Variants in ATP11A observed in about 807,000 individuals in gnomAD.
ATP11A encodes the protein phospholipid-transporting ATPase IH.
In ATP11A, 81 loss-of-function variants were observed where a neutral mutation model predicts 154.4. The ratio of observed to expected loss-of-function variants is 0.52; its 90% CI spans 0.44 to 0.63. The LOEUF is 0.63. Ranked by LOEUF, ATP11A falls within the 30% of genes least tolerant of loss-of-function variation. The probability of loss-of-function intolerance (pLI) is 0.00; values close to 1 mark genes in which losing one functional copy is unlikely to be tolerated. For missense variants in ATP11A, 1,316 were observed against 1,474.3 expected, an observed-to-expected ratio of 0.89 and a Z score of 1.76; for synonymous variants, 623 against 585.9, an observed-to-expected ratio of 1.06 and a Z score of -0.91.
At chr13:112,795,501 A>G (rs530296327) in intron 2 of ATP11A, among the ~76,000 whole-genome samples, 3 of 152,210 alleles carry the variant, frequency 2.0e-5, no homozygotes, top group Non-Finnish European at 4.4e-5. Context: ...TGTAGTTCCA[A>G]GGGTCCTTTG....
intron 1 of ATP11A, among the ~76,000 whole-genome samples, chr13:112,706,932 A>G (rs953716845): frequency 2.0e-5 from 3 of 152,212 alleles, no homozygotes; most frequent in Non-Finnish European, 4.4e-5. Flanking sequence ...CGACTGAGTT[A>G]TTACTTGCCG....
At position 112,883,102 on chromosome 13, in the gene ATP11A, GTCCCCACGTCCCCTCGTCTCCTCA is replaced by G. The variant is rs1566614117; in HGVS notation, c.*1248_*1271del. The G allele has an allele frequency of 2.3e-5, 6 of 264,660 alleles. No homozygotes were observed. 16.4% of individuals were successfully genotyped at this position (264,660 alleles called of 1,614,324 possible). A position where few individuals can be genotyped will look rare whatever the true frequency, so the allele number is the denominator to read the frequency against. On this transcript the variant is annotated 3_prime_UTR_variant, in exon 30 of 30. Coordinates refer to ENST00000375645, the MANE Select transcript of ATP11A (RefSeq NM_015205.3). The stretch of plus-strand genomic sequence containing the variant: ...TCATGTCCCCTTGTCCTGTCACCTC[GTCCCCACGTCCCCTCGTCTCCTCA>G]TCCCCACGTCCTCTCGTCCCCTTGT...
rs1046790 is a variant in ATP11A at position 112,885,690 on chromosome 13, T to C, written c.*3824T>C. Reference sequence around the variant, plus strand: ...ACACATGCACACACATATACACACATGTGCCACAAACAAGTGCACACTGTC... The same window carrying C: ...ACACATGCACACACATATACACACACGTGCCACAAACAAGTGCACACTGTC... On this transcript the variant is annotated 3_prime_UTR_variant, in exon 30 of 30. Coordinates refer to ENST00000375645, the MANE Select transcript of ATP11A (RefSeq NM_015205.3). The C allele has an allele frequency of 0.72, 109,977 of 152,302 alleles. 40,003 individuals are homozygous for C. Among genetic ancestry groups the C allele is most frequent in the East Asian group, 0.88 (4,529 of 5,164 alleles). 9.4% of individuals were successfully genotyped at this position (152,302 alleles called of 1,614,324 possible).
intron 1 of ATP11A, among the ~76,000 whole-genome samples, chr13:112,779,426 C>T (rs1168639201): frequency 1.3e-5 from 2 of 149,962 alleles, no homozygotes; most frequent in Non-Finnish European, 3.0e-5. Flanking sequence ...AGTGTGTAGC[C>T]GCTGGAGTGA....
chr13:112,819,505 G>T, intron 7 of ATP11A, 98 bp downstream of exon 7: 1 of 987,480 alleles, frequency 1.0e-6, no homozygotes. Context: ...TGGTGGTTTG[G>T]AAAGAGAATG....
intron 13 of ATP11A, among the ~76,000 whole-genome samples, chr13:112,831,756 A>C (rs1269303445): frequency 1.3e-5 from 2 of 152,168 alleles, no homozygotes; most frequent in East Asian, 3.8e-4. Context: ...GGTTATGAAA[A>C]CCATAGAAGC....
At chr13:112,820,818 C>T (rs1283686928) in intron 8 of ATP11A, among the ~76,000 whole-genome samples, 1 of 152,182 alleles carries the variant, frequency 6.6e-6, no homozygotes, top group Non-Finnish European at 1.5e-5. Context: ...TTGTTGATGT[C>T]TGGGTAGGTA....
chr13:112,877,237 C>T (rs898811095), intron 28 of ATP11A, among the ~76,000 whole-genome samples: 2 of 152,192 alleles, frequency 1.3e-5, no homozygotes, highest in African/African-American at 4.8e-5. Flanking sequence ...GAGCCGGGGC[C>T]CTGGCTGAGA....
Position 112,851,019 on chromosome 13 carries a change from C to G in ATP11A, c.1810-18C>G. 6.2e-7 allele frequency: 1 copy of G among 1,608,930 alleles called. No homozygotes were observed. ...TGACACCTTGAATTCGTGCTAAACG[C>G]TGCATTGTGTTCTGCAGGAGGGGCT... is the stretch of plus-strand genomic sequence containing the variant. On this transcript the variant is annotated intron_variant, in intron 17 of 29. Coordinates refer to ENST00000375645, the MANE Select transcript of ATP11A (RefSeq NM_015205.3).
intron 25 of ATP11A, among the ~76,000 whole-genome samples, chr13:112,864,750 C>G (rs1457651471): frequency 1.4e-5 from 1 of 70,162 alleles, no homozygotes; most frequent in East Asian, 4.1e-4. Context: ...CGGGGTCCAT[C>G]ACCACCTGCA....
intron 1 of ATP11A, among the ~76,000 whole-genome samples, chr13:112,728,213 G>A (rs1306252486): frequency 2.0e-5 from 3 of 152,198 alleles, no homozygotes; most frequent in African/African-American, 7.2e-5. Context: ...CCAGATAACT[G>A]GACTGGTGGA....
At chr13:112,847,310 CAT>C (rs1441938703) in intron 17 of ATP11A, among the ~76,000 whole-genome samples, 1 of 152,234 alleles carries the variant, frequency 6.6e-6, no homozygotes, top group Non-Finnish European at 1.5e-5. Context: ...TGCTTGCTGT[CAT>C]ATCGAAGAAA....
chr13:112,798,699 T>C (rs2078060497), intron 2 of ATP11A, among the ~76,000 whole-genome samples: 1 of 152,090 alleles, frequency 6.6e-6, no homozygotes, highest in South Asian at 2.1e-4. Context: ...GGAGAGAAAA[T>C]AGTCACATCA....
Position 112,859,378 on chromosome 13 carries a change from T to C in ATP11A, c.2668-15T>C, listed in dbSNP as rs201244938. ...TGTCCCGTCACCGAACTAACAGTTATGCCTTGCCTTTCAGAACGTCTGCTT... is the reference window on the plus strand; with the variant it reads ...TGTCCCGTCACCGAACTAACAGTTACGCCTTGCCTTTCAGAACGTCTGCTT... On this transcript the variant is annotated splice_polypyrimidine_tract_variant and intron_variant, in intron 22 of 29. Transcript: ENST00000375645. This position sits in a 1 kb window ranked among gnomAD's most constrained non-coding sequence, Gnocchi z 4.3. 1.4e-5 allele frequency: 23 copies of C among 1,613,206 alleles called. No homozygotes were observed. The highest frequency in any genetic ancestry group is 5.0e-5 in the Admixed American group (3 of 60,004).
At chr13:112,741,603 A>G (rs1035896434) in intron 1 of ATP11A, among the ~76,000 whole-genome samples, 7 of 152,150 alleles carry the variant, frequency 4.6e-5, no homozygotes, top group Non-Finnish European at 7.4e-5. Flanking sequence ...TGTGGGCTGG[A>G]GACTCCGTCC....
At position 112,784,526 on chromosome 13, in the gene ATP11A, CT is replaced by C. The variant is rs535110994; in HGVS notation, c.40-594del. On this transcript the variant is annotated intron_variant, in intron 1 of 29. Coordinates refer to ENST00000375645, the MANE Select transcript of ATP11A (RefSeq NM_015205.3). ...TTACGATTTGGCCACACGTTCTGTT[CT>C]TTTTTTTTTTTTTTGAGACAGAGTC... Among the ~76,000 whole-genome samples, 315 of 140,724 alleles carry C rather than the reference CT, an allele frequency of 2.2e-3. 1 individual carries two copies. Among genetic ancestry groups the C allele is most frequent in the South Asian group, 6.4e-3 (28 of 4,394 alleles). The allele number at this position is 140,724 out of a possible 152,430, so 92.3% of individuals were successfully genotyped here.
chr13:112,833,522 A>C (rs2079152931), intron 14 of ATP11A, among the ~76,000 whole-genome samples: 1 of 151,952 alleles, frequency 6.6e-6, no homozygotes, highest in Non-Finnish European at 1.5e-5. Flanking sequence ...CATAATTTCA[A>C]CTCAGGGGAG....
At chr13:112,733,057 T>G (rs1242786431) in intron 1 of ATP11A, among the ~76,000 whole-genome samples, 1 of 152,254 alleles carries the variant, frequency 6.6e-6, no homozygotes, top group African/African-American at 2.4e-5. Flanking sequence ...GTACATGTTT[T>G]TGTTCTAAAA....
intron 15 of ATP11A, among the ~76,000 whole-genome samples, chr13:112,835,492 G>A (rs1233257543): frequency 3.3e-5 from 5 of 152,218 alleles, no homozygotes; most frequent in Admixed American, 6.5e-5. Context: ...CCCGGGGGCC[G>A]CAACTCACTG....
Sources: gnomAD v4.1 joint callset for allele counts (sites outside exome capture counted in the v4.1 genomes callset) on GRCh38, gnomAD v4.1.1 for gene constraint, Gnocchi (gnomAD v3.1) non-coding constraint, MANE v1.5 for transcripts, NCBI Gene and HGNC (gene_info 2026-07-23, HGNC 2026-07-21) for gene names.